The following SLC4A1 variants were observed in gnomAD, a reference collection of about 807,000 sequenced individuals.
SLC4A1 encodes the protein band 3 anion transport protein.
In SLC4A1, 29 loss-of-function variants were observed where a neutral mutation model predicts 93.1. The observed-to-expected ratio is 0.31, with a 90% CI of 0.23 to 0.42. The LOEUF is 0.42. Ranked by LOEUF, SLC4A1 falls within the 20% of genes least tolerant of loss-of-function variation. The pLI is 1.00. For missense variants in SLC4A1, 965 were observed against 1,190.1 expected (o/e 0.81, Z 2.78); for synonymous variants, 469 against 497.2 (o/e 0.94, Z 0.76).
intron 5 of SLC4A1, 39 bp downstream of exon 5, chr17:44,260,596 C>T: frequency 6.2e-7 from 1 of 1,614,154 alleles, no homozygotes. Context: ...CACAACAATC[C>T]TCATCTGCAG....
intron 19 of SLC4A1, 80 bp downstream of exon 19, chr17:44,251,079 C>G: frequency 2.0e-6 from 3 of 1,470,880 alleles, no homozygotes; most frequent in Non-Finnish European, 2.8e-6. Flanking sequence ...ACCCATGACT[C>G]TGTCCTGCCT....
chr17:44,261,202 C>T (rs1445644030), intron 4 of SLC4A1, among the ~76,000 whole-genome samples: 1 of 152,208 alleles, frequency 6.6e-6, no homozygotes, highest in Non-Finnish European at 1.5e-5. Context: ...TAGCTGAGGG[C>T]CACCCCAAAT....
intron 3 of SLC4A1, chr17:44,261,974 A>T: frequency 5.1e-6 from 6 of 1,170,218 alleles, no homozygotes; most frequent in East Asian, 5.1e-5. Flanking sequence ...TCCTCCTAGG[A>T]CCTCCTCCCT....
rs748103050 is a variant in SLC4A1 at position 44,258,161 on chromosome 17, A to T, written c.1107T>A (p.Asp369Glu). The T allele has an allele frequency of 6.2e-7, 1 of 1,613,908 alleles. No homozygotes were observed. The highest frequency in any genetic ancestry group is 1.3e-5 in the African/African-American group (1 of 74,864). ...YKGLDLNGGP[D>E]DPLQQTGQLF... ...GCTGGCCTGTCTGCTGCAGAGGGTC[A>T]TCTGGGCCCCCATTTAAGTCTGTGG... is the stretch of plus-strand genomic sequence containing the variant. The change falls in exon 11 of 20, where the codon GAT (aspartate) becomes GAA (glutamate). Residue 369 changes from aspartate (D) to glutamate (E), a missense_variant. Transcript: ENST00000262418. This position sits in a 1 kb window ranked among gnomAD's most constrained non-coding sequence, Gnocchi z 6.1.
rs966845543 is a variant in SLC4A1 at position 44,258,354 on chromosome 17, G to A, written c.1087+59C>T. 9 of 1,534,710 alleles carry A rather than the reference G, an allele frequency of 5.9e-6. No homozygotes were observed. The highest frequency in any genetic ancestry group is 1.1e-5 in the South Asian group (1 of 89,484). On this transcript the variant is annotated intron_variant, in intron 10 of 19. Coordinates refer to ENST00000262418, the MANE Select transcript of SLC4A1 (RefSeq NM_000342.4). This position sits in a 1 kb window ranked among gnomAD's most constrained non-coding sequence, Gnocchi z 6.1. The stretch of plus-strand genomic sequence containing the variant: ...ACATGTGATGGGAGACAGAGGCTAC[G>A]CTGAGGTGTCTGGGGGTCGGTGGGG...
At chr17:44,259,439 A>T in intron 8 of SLC4A1, 58 bp downstream of exon 8, 1 of 1,601,650 alleles carries the variant, frequency 6.2e-7, no homozygotes, top group Non-Finnish European at 8.6e-7. Context: ...AGGGAAAGAC[A>T]GGCTGAGCCA....
chr17:44,261,966 C>A, intron 3 of SLC4A1: 1 of 1,212,774 alleles, frequency 8.2e-7, no homozygotes. Flanking sequence ...TTTCAGGATC[C>A]TCCTAGGACC....
rs367688756 is a variant in SLC4A1 at position 44,260,661 on chromosome 17, A to G, written c.323T>C (p.Leu108Pro). 4 of 1,614,070 alleles carry G rather than the reference A, an allele frequency of 2.5e-6. No homozygotes were observed. The highest frequency in any genetic ancestry group is 3.4e-6 in the Non-Finnish European group (4 of 1,180,026). Residue 108 changes from leucine to proline, a missense_variant, in exon 5 of 20, where the codon CTA (leucine) becomes CCA (proline). By Grantham distance (98) the Leu-to-Pro change is moderately conservative. Transcript: ENST00000262418. ...CTTGGTGAAGACTCTACGCAGCTCTAGGAGGCTCCAGAAGGTGAGGTGAGA... is the reference window on the plus strand; with the variant it reads ...CTTGGTGAAGACTCTACGCAGCTCTGGGAGGCTCCAGAAGGTGAGGTGAGA... ...HLSHLTFWSL[L>P]ELRRVFTKGT...
At chr17:44,260,264 A>G (rs2047430727) in intron 6 of SLC4A1, 140 bp downstream of exon 6, 1 of 1,095,738 alleles carries the variant, frequency 9.1e-7, no homozygotes, top group Non-Finnish European at 1.3e-6. Context: ...GGTGTCAGAG[A>G]TGGGAGCCAT....
chr17:44,253,130 C>A lies in SLC4A1; in HGVS notation c.2299G>T (p.Ala767Ser). The change falls in exon 17 of 20, where the codon GCT becomes TCT. Residue 767 changes from alanine (A) to serine (S), a missense_variant. Around this residue, in one of 2 missense-constraint regions of SLC4A1, gnomAD observed 770 missense variants for 1,006.6 expected, o/e 0.76. Transcript: ENST00000262418. ...KEQRISGLLVAVLVGLSILME... is the reference protein window; with the variant it reads ...KEQRISGLLVSVLVGLSILME... ...AGCTTTCACTCACCCACAAGCACAG[C>A]GACCAGGAGTCCACTGATCCGCTGC... 2.5e-6 allele frequency: 4 copies of A among 1,612,052 alleles called. No homozygotes were observed. The highest frequency in any genetic ancestry group is 1.1e-5 in the South Asian group (1 of 91,088).
Position 44,258,438 on chromosome 17 carries a change from T to C in SLC4A1, c.1062A>G (p.Pro354=), listed in dbSNP as rs2047410232. 1 of 1,613,866 alleles carries C rather than the reference T, an allele frequency of 6.2e-7. No individual in the cohort carries two copies. The highest frequency in any genetic ancestry group is 1.1e-5 in the South Asian group (1 of 91,080). The change falls in exon 10 of 20, where the codon CCA becomes CCG. Residue 354 remains proline, a synonymous_variant. Coordinates refer to ENST00000262418, the MANE Select transcript of SLC4A1 (RefSeq NM_000342.4). The surrounding 1 kb of genome is among the most constrained non-coding windows in gnomAD (Gnocchi z 6.1). Reference sequence around the variant, plus strand: ...CTAGGCCCTTGTAGAAGCTGGAGTCTGGCTTGGCAGGGCTGGACTGATAGC... The same window carrying C: ...CTAGGCCCTTGTAGAAGCTGGAGTCCGGCTTGGCAGGGCTGGACTGATAGC... ...RRRYQSSPAK[P]DSSFYKGLDL...
chr17:44,260,472 A>G lies in SLC4A1; in HGVS notation c.417T>C (p.Phe139=). Residue 139 remains phenylalanine, a synonymous_variant, in exon 6 of 20, where the codon TTT becomes TTC. Coordinates refer to ENST00000262418, the MANE Select transcript of SLC4A1 (RefSeq NM_000342.4). ...GAGGCCGGATCTGGTCTTCAAAGAT[A>G]AACCTGTCTAGCAGTTGGTTGGCCA... ...AGVANQLLDR[F]IFEDQIRPQD... The G allele has an allele frequency of 6.2e-7, 1 of 1,614,122 alleles. No homozygotes were observed. Among genetic ancestry groups the G allele is most frequent in the Non-Finnish European group, 8.5e-7 (1 of 1,179,996 alleles).
At position 44,255,742 on chromosome 17, in the gene SLC4A1, G is replaced by T. The variant is rs878952539; in HGVS notation, c.1731C>A (p.Leu577=). 2.5e-6 allele frequency: 4 copies of T among 1,614,142 alleles called. No homozygotes were observed. The highest frequency in any genetic ancestry group is 3.4e-6 in the Non-Finnish European group (4 of 1,180,014). Residue 577 remains leucine (L), a synonymous_variant, in exon 14 of 20, where the codon CTC becomes CTA. Transcript: ENST00000262418. ...TGGCAAAGAAGAAGGTACCGGCCAT[G>T]AGCACAAGGGAGAGGAGGGCTGTGT... is the stretch of plus-strand genomic sequence containing the variant. ...LPNTALLSLV[L]MAGTFFFAMM...
intron 16 of SLC4A1, among the ~76,000 whole-genome samples, chr17:44,253,896 T>C (rs1357713420): frequency 6.6e-6 from 1 of 151,456 alleles, no homozygotes; most frequent in Non-Finnish European, 1.5e-5. Context: ...GGTCTCAAAC[T>C]ACTGACCTCG....
rs571376371 is a variant in SLC4A1, at chr17:44,251,320, G to T, written c.2494C>A (p.Arg832Ser). The T allele has an allele frequency of 6.2e-7, 1 of 1,614,188 alleles. No individual in the cohort carries two copies. The highest frequency in any genetic ancestry group is 1.1e-5 in the South Asian group (1 of 91,090). Residue 832 changes from arginine (R) to serine (S), a missense_variant, in exon 19 of 20, where the codon CGC becomes AGC. By Grantham distance (110) the Arg-to-Ser change is moderately radical. Transcript: ENST00000262418. ...TGGATGCCCGTGAATAAGTGCATGC[G>T]CCAGGTCTTCACCTGCAGGCGGAGG... ...VPYVKRVKTW[R>S]MHLFTGIQII...
At chr17:44,256,543 G>C (rs561923154) in intron 13 of SLC4A1, among the ~76,000 whole-genome samples, 1 of 152,338 alleles carries the variant, frequency 6.6e-6, no homozygotes, top group East Asian at 1.9e-4. Flanking sequence ...GATGATGGGA[G>C]CCAAGCCAAG....
chr17:44,259,917 C>T lies in SLC4A1; in HGVS notation c.501G>A (p.Leu167=). The change falls in exon 7 of 20, where the codon CTG becomes CTA. Residue 167 remains leucine (L), a synonymous_variant. Transcript: ENST00000262418. ...LLLKHSHAGE[L]EALGGVKPAV... The stretch of plus-strand genomic sequence containing the variant: ...CAGGCTTCACACCCCCCAGGGCCTC[C>T]AGCTCTCCAGCGTGGCTGCAGGACG... 6.2e-7 allele frequency: 1 copy of T among 1,614,054 alleles called. No homozygotes were observed. Among genetic ancestry groups the T allele is most frequent in the Non-Finnish European group, 8.5e-7 (1 of 1,180,024 alleles).
At position 44,258,632 on chromosome 17, in the gene SLC4A1, A is replaced by C; in HGVS notation, c.877-9T>G. ...GCATCTATGCGGAACACCTAGGGGC[A>C]GGAGACAGGGTCAGAGCTGCCCGGA... On this transcript the variant is annotated splice_polypyrimidine_tract_variant and intron_variant, in intron 9 of 19. Transcript: ENST00000262418. This position sits in a 1 kb window ranked among gnomAD's most constrained non-coding sequence, Gnocchi z 6.1. 2 of 1,579,162 alleles carry C rather than the reference A, an allele frequency of 1.3e-6. No homozygotes were observed. Among genetic ancestry groups the C allele is most frequent in the Non-Finnish European group, 1.7e-6 (2 of 1,163,790 alleles).
In SLC4A1 at chr17:44,249,377, C is replaced by T. The variant is rs1422096896; in HGVS notation, c.*1081G>A. On this transcript the variant is annotated 3_prime_UTR_variant, in exon 20 of 20. Transcript: ENST00000262418. ...GGATAATGGCTCTCAAATGAGGGGC[C>T]TGAAGTTGTGTGTGAAGCCAAACTA... 3.4e-6 allele frequency: 1 copy of T among 298,046 alleles called. No homozygotes were observed. The highest frequency in any genetic ancestry group is 6.6e-6 in the Non-Finnish European group (1 of 152,610). The allele number at this position is 298,046 out of a possible 1,614,324, so 18.5% of individuals were successfully genotyped here.
Sources: gnomAD v4.1 joint callset for allele counts (sites outside exome capture counted in the v4.1 genomes callset) on GRCh38, gnomAD v4.1.1 for gene constraint, gnomAD v4.1.1 regional missense constraint, Gnocchi (gnomAD v3.1) non-coding constraint, MANE v1.5 for transcripts, NCBI Gene and HGNC (gene_info 2026-07-23, HGNC 2026-07-21) for gene names.